The following KRT73 variants were observed in gnomAD, a reference collection of about 807,000 sequenced individuals.
KRT73 encodes keratin 73, also known as keratin, type II cytoskeletal 73.
A neutral mutation model predicts 47.2 loss-of-function variants in KRT73; 44 were observed. That is an observed-to-expected ratio of 0.93 (90% CI 0.73 to 1.20). The LOEUF is 1.20. Ranked by LOEUF, KRT73 falls within the 50% of genes most tolerant of loss-of-function variation. The pLI is 0.00. For synonymous variants in KRT73, 285 were observed against 291.3 expected, an observed-to-expected ratio of 0.98 and a Z score of 0.22; for missense variants, 713 against 704.5, an observed-to-expected ratio of 1.01 and a Z score of -0.14.
the KRT73 span, among the ~76,000 whole-genome samples, chr12:52,626,261 C>A: frequency 6.6e-6 from 1 of 152,186 alleles, no homozygotes; most frequent in South Asian, 2.1e-4. Flanking sequence ...AAAACTGAAG[C>A]ACAGAAGGTT....
the KRT73 span, among the ~76,000 whole-genome samples, chr12:52,629,954 C>T: frequency 1.5e-4 from 23 of 152,196 alleles, no homozygotes; most frequent in Non-Finnish European, 2.9e-4. Context: ...AACCTGTATG[C>T]CTTCCACCCT....
chr12:52,610,181 T>C, intron 7 of KRT73: 1 of 197,812 alleles, frequency 5.1e-6, no homozygotes, highest in Non-Finnish European at 1.1e-5. Flanking sequence ...GTTCAAGCGA[T>C]TCTCCTGACT....
Position 52,618,487 on chromosome 12 carries a change from G to A in KRT73, c.38C>T (p.Ala13Val). 6.2e-7 allele frequency: 1 copy of A among 1,611,226 alleles called. No homozygotes were observed. The highest frequency in any genetic ancestry group is 2.2e-5 in the East Asian group (1 of 44,826). ...GGAGCAGCCGCTGAAGCCCCCCTTG[G>A]CAGCAGCTCCCGACTTGTAGGTGAA... The part of the protein sequence containing the change: ...RQFTYKSGAA[A>V]KGGFSGCSAV... The change falls in exon 1 of 9, where the codon GCC becomes GTC. Residue 13 changes from alanine to valine, a missense_variant. Physicochemically the swap from Ala to Val is moderately conservative, Grantham distance 64 (BLOSUM62 0). Transcript: ENST00000305748.
the KRT73 span, among the ~76,000 whole-genome samples, chr12:52,625,477 G>A: frequency 6.6e-6 from 1 of 152,108 alleles, no homozygotes; most frequent in South Asian, 2.1e-4. Context: ...AAGACTTAGT[G>A]GCAACACTAC....
Position 52,613,683 on chromosome 12 carries a change from C to T in KRT73, c.984+5G>A. 1 of 1,614,014 alleles carries T rather than the reference C, an allele frequency of 6.2e-7. No individual in the cohort carries two copies. Among genetic ancestry groups the T allele is most frequent in the Non-Finnish European group, 8.5e-7 (1 of 1,179,922 alleles). On this transcript the variant is annotated splice_donor_5th_base_variant and intron_variant, in intron 5 of 8. Coordinates refer to ENST00000305748, the MANE Select transcript of KRT73 (RefSeq NM_175068.3). Reference sequence around the variant, plus strand: ...ACTTCACTATGGGGAGTTTTGCGGCCTCACCTTGGTCTGGTACAGGGCCTC... The same window carrying T: ...ACTTCACTATGGGGAGTTTTGCGGCTTCACCTTGGTCTGGTACAGGGCCTC...
At position 52,618,196 on chromosome 12, in the gene KRT73, T is replaced by C. The variant is rs1178181532; in HGVS notation, c.329A>G (p.Asn110Ser). 1 of 1,614,088 alleles carries C rather than the reference T, an allele frequency of 6.2e-7. No homozygotes were observed. Among genetic ancestry groups the C allele is most frequent in the Non-Finnish European group, 8.5e-7 (1 of 1,179,994 alleles). ...GTTCAGGGGTGCCAGGAGGCTCTTG[T>C]TGATGGTGACCTGATGGATACCCCC... ...PPGGIHQVTI[N>S]KSLLAPLNVE... Residue 110 changes from asparagine (N) to serine (S), a missense_variant, in exon 1 of 9, where the codon AAC becomes AGC. Physicochemically the swap from Asn to Ser is conservative, Grantham distance 46. Transcript: ENST00000305748.
Position 52,613,725 on chromosome 12 carries a change from T to C in KRT73, c.947A>G (p.Lys316Arg). 6.2e-7 allele frequency: 1 copy of C among 1,614,180 alleles called. No individual in the cohort carries two copies. Among genetic ancestry groups the C allele is most frequent in the Non-Finnish European group, 8.5e-7 (1 of 1,180,014 alleles). Residue 316 changes from lysine (K) to arginine (R), a missense_variant, in exon 5 of 9, where the codon AAG becomes AGG. Lys to Arg is a conservative substitution (Grantham distance 26). Coordinates refer to ENST00000305748, the MANE Select transcript of KRT73 (RefSeq NM_175068.3). ...CAGGGCCTCGGCCTCGGCCTTGCTC[T>C]TCCGGGCGATCTCCTCATACTGGGC... ...VRAQYEEIARKSKAEAEALYQ... is the reference protein window; with the variant it reads ...VRAQYEEIARRSKAEAEALYQ...
At chr12:52,620,182 C>G (rs140153231), upstream of KRT73, among the ~76,000 whole-genome samples, 1 of 133,936 alleles carries the variant, frequency 7.5e-6, no homozygotes, top group African/African-American at 2.9e-5. Flanking sequence ...AGCATGATCT[C>G]GGCTCATCGC....
In KRT73 at chr12:52,613,742, A is replaced by C; in HGVS notation, c.930T>G (p.Tyr310Ter). ...DSIIAEVRAQ[Y>*]EEIARKSKAE... is the part of the protein sequence containing the mutation. Reference sequence around the variant, plus strand: ...CCTTGCTCTTCCGGGCGATCTCCTCATACTGGGCACGGACCTCAGCAATGA... The same window carrying C: ...CCTTGCTCTTCCGGGCGATCTCCTCCTACTGGGCACGGACCTCAGCAATGA... Residue 310 changes from tyrosine (Y) to a stop codon, truncating the protein, a stop_gained, in exon 5 of 9, where the codon TAT becomes TAG. Coordinates refer to ENST00000305748, the MANE Select transcript of KRT73 (RefSeq NM_175068.3). LOFTEE classifies it high-confidence loss of function. The C allele has an allele frequency of 1.2e-6, 2 of 1,614,160 alleles. No homozygotes were observed. Among genetic ancestry groups the C allele is most frequent in the South Asian group, 1.1e-5 (1 of 91,072 alleles).
chr12:52,614,812 G>A (rs1940779005), intron 3 of KRT73, 138 bp from the exon 4 acceptor site: 2 of 648,006 alleles, frequency 3.1e-6, no homozygotes, highest in South Asian at 4.1e-5. Context: ...CGGCCTTCCA[G>A]CCACAACTTC....
chr12:52,616,056 G>T lies in KRT73; in HGVS notation c.662+110C>A, dbSNP rs535868776. ...GTTGCCCATAGAAGGCTCTCATCTT[G>T]CTGGGACAGATGAACCCAATACCTC... On this transcript the variant is annotated intron_variant, in intron 2 of 8. Coordinates refer to ENST00000305748, the MANE Select transcript of KRT73 (RefSeq NM_175068.3). The T allele has an allele frequency of 7.4e-5, 98 of 1,329,784 alleles. No homozygotes were observed. In the South Asian group the frequency reaches 1.2e-3, roughly 16 times the overall value. The allele number at this position is 1,329,784 out of a possible 1,614,324, so 82.4% of individuals were successfully genotyped here. A position where few individuals can be genotyped will look rare whatever the true frequency, so the allele number is the denominator to read the frequency against.
Position 52,618,419 on chromosome 12 carries a change from C to A in KRT73, c.106G>T (p.Gly36Cys), listed in dbSNP as rs1204578463. The A allele has an allele frequency of 6.2e-7, 1 of 1,614,156 alleles. No individual in the cohort carries two copies. The highest frequency in any genetic ancestry group is 8.5e-7 in the Non-Finnish European group (1 of 1,180,020). ...GGSSSSYRAG[G>C]KGLSGGFSSR... is the part of the protein sequence containing the mutation. ...CTGAAGCCTCCACTGAGCCCTTTGC[C>A]CCCTGCTCGGTAGGAGGATGAGCTG... The change falls in exon 1 of 9, where the codon GGC (glycine) becomes TGC (cysteine). Residue 36 changes from glycine (G) to cysteine (C), a missense_variant. Coordinates refer to ENST00000305748, the MANE Select transcript of KRT73 (RefSeq NM_175068.3).
upstream of KRT73, among the ~76,000 whole-genome samples, chr12:52,622,552 T>C (rs1341299378): frequency 6.6e-6 from 1 of 152,218 alleles, no homozygotes; most frequent in Non-Finnish European, 1.5e-5. Context: ...ACACGTGTGC[T>C]GGGAGGGCCC....
chr12:52,620,996 G>T (rs1345069289), upstream of KRT73, among the ~76,000 whole-genome samples: 2 of 152,106 alleles, frequency 1.3e-5, no homozygotes, highest in African/African-American at 4.8e-5. Context: ...AGTGGCAAAG[G>T]ACTCTCAGGC....
chr12:52,614,957 G>A (rs1359483017), intron 3 of KRT73: 1 of 526,922 alleles, frequency 1.9e-6, no homozygotes. Context: ...GGGAGGCAAG[G>A]ACAGCCACGG....
the KRT73 span, among the ~76,000 whole-genome samples, chr12:52,629,470 G>A: frequency 6.6e-6 from 1 of 152,174 alleles, no homozygotes; most frequent in Non-Finnish European, 1.5e-5. Context: ...ATACTGTGGA[G>A]GAGGAACCTC....
At chr12:52,629,941 C>T in the KRT73 span, among the ~76,000 whole-genome samples, 46,377 of 151,804 alleles carry the variant, frequency 0.31, 7,439 homozygotes, top group African/African-American at 0.4. Flanking sequence ...TCCCAGGCCC[C>T]TCAACCTGTA....
chr12:52,609,825 G>C (rs1248429601), intron 7 of KRT73: 2 of 152,942 alleles, frequency 1.3e-5, no homozygotes, highest in Non-Finnish European at 2.9e-5. Flanking sequence ...TACGACAAAA[G>C]TGCATTTCTT....
Position 52,616,154 on chromosome 12 carries a change from C to T in KRT73, c.662+12G>A, listed in dbSNP as rs1384576623. On this transcript the variant is annotated intron_variant, in intron 2 of 8. Coordinates refer to ENST00000305748, the MANE Select transcript of KRT73 (RefSeq NM_175068.3). ...TGGGAGGCAGACCAGCCTGGAGTGG[C>T]GTCCTGCTCACCTCTTCTTGTAGTC... is the stretch of plus-strand genomic sequence containing the variant. 6.2e-6 allele frequency: 10 copies of T among 1,613,690 alleles called. No individual in the cohort carries two copies. The highest frequency in any genetic ancestry group is 4.0e-5 in the African/African-American group (3 of 74,912).
Sources: gnomAD v4.1 joint callset for allele counts (sites outside exome capture counted in the v4.1 genomes callset) on GRCh38, gnomAD v4.1.1 for gene constraint, MANE v1.5 for transcripts, NCBI Gene and HGNC (gene_info 2026-07-23, HGNC 2026-07-21) for gene names.